Variants in MAST4 observed in about 807,000 individuals in gnomAD.
MAST4 encodes microtubule associated serine/threonine kinase family member 4.
In MAST4, 89 loss-of-function variants were observed where a neutral mutation model predicts 162.7. The observed-to-expected ratio is 0.55, with a 90% CI of 0.46 to 0.65. MAST4 has a LOEUF of 0.65. Ranked by LOEUF, MAST4 falls within the 30% of genes least tolerant of loss-of-function variation. The pLI, the probability that MAST4 is intolerant of heterozygous loss-of-function variation, is 0.00. For missense variants in MAST4, 3,153 were observed against 3,374.0 expected (o/e 0.93, Z 1.62); for synonymous variants, 1,479 against 1,361.1 (o/e 1.09, Z -1.91).
intron 5 of MAST4, among the ~76,000 whole-genome samples, chr5:67,061,278 A>G (rs531318846): frequency 6.6e-6 from 1 of 152,340 alleles, no homozygotes; most frequent in South Asian, 2.1e-4. Context: ...CAAGCCAAAC[A>G]TAATATCTTA....
chr5:66,997,841 T>C (rs998931804), intron 4 of MAST4, among the ~76,000 whole-genome samples: 1 of 152,236 alleles, frequency 6.6e-6, no homozygotes, highest in Non-Finnish European at 1.5e-5. Flanking sequence ...TTTGTTGGTA[T>C]AGAAGTGATA....
chr5:66,679,473 A>G (rs879579296), intron 1 of MAST4, among the ~76,000 whole-genome samples: 15 of 152,312 alleles, frequency 9.8e-5, no homozygotes, highest in African/African-American at 3.1e-4. Context: ...GTGTCAGAGT[A>G]CTTTGCCCTC....
At chr5:66,882,898 A>G (rs1230725339) in intron 3 of MAST4, among the ~76,000 whole-genome samples, 3 of 152,188 alleles carry the variant, frequency 2.0e-5, no homozygotes, top group Admixed American at 1.3e-4. Flanking sequence ...TTTAGCACCT[A>G]CTTGAAAAAT....
intron 2 of MAST4, among the ~76,000 whole-genome samples, chr5:66,780,473 G>A (rs1402838652): frequency 1.3e-5 from 2 of 152,136 alleles, no homozygotes; most frequent in African/African-American, 2.4e-5. Context: ...CAGTGGGCTC[G>A]TGGTCTCGCT....
At chr5:66,909,950 G>A (rs892016034) in intron 4 of MAST4, among the ~76,000 whole-genome samples, 10 of 152,234 alleles carry the variant, frequency 6.6e-5, no homozygotes, top group Non-Finnish European at 1.0e-4. Flanking sequence ...ACCTTTTGCC[G>A]TGATTGTTGG....
At chr5:66,934,677 C>T (rs969532298) in intron 4 of MAST4, among the ~76,000 whole-genome samples, 1 of 151,870 alleles carries the variant, frequency 6.6e-6, no homozygotes, top group Non-Finnish European at 1.5e-5. Context: ...CTGCATAAAC[C>T]TAAGCTTTGC....
At chr5:66,685,843 C>T (rs570233858) in intron 1 of MAST4, among the ~76,000 whole-genome samples, 1 of 152,154 alleles carries the variant, frequency 6.6e-6, no homozygotes, top group East Asian at 1.9e-4. Flanking sequence ...CACCAGGAAC[C>T]AGTTTTGTGG....
chr5:67,124,549 G>A lies in MAST4; in HGVS notation c.1745+3447G>A, dbSNP rs372890498. Among the ~76,000 whole-genome samples the A allele has an allele frequency of 1.7e-3, 255 of 152,106 alleles. 2 individuals are homozygous for A. The highest frequency in any genetic ancestry group is 6.0e-3 in the African/African-American group (250 of 41,492). ...CAACATGACGAGTAATATGCCCAAA[G>A]CAATACAGAAATGTAAAAACCCAAG... On this transcript the variant is annotated intron_variant, in intron 14 of 28. Transcript: ENST00000403625.
chr5:66,666,711 C>A (rs929032767), intron 1 of MAST4, among the ~76,000 whole-genome samples: 8 of 152,132 alleles, frequency 5.3e-5, no homozygotes, highest in Non-Finnish European at 1.2e-4. Flanking sequence ...TACTGAAGCC[C>A]CTATAATTCA....
At chr5:67,108,295 A>T (rs1765818727) in intron 10 of MAST4, among the ~76,000 whole-genome samples, 1 of 152,348 alleles carries the variant, frequency 6.6e-6, no homozygotes, top group East Asian at 1.9e-4. Flanking sequence ...AAAAATGATT[A>T]TAGTAAGAAG....
intron 1 of MAST4, among the ~76,000 whole-genome samples, chr5:66,609,705 G>GTTTTTTTTTTTTTTTTTT (rs77135146): frequency 1.9e-5 from 2 of 106,748 alleles, no homozygotes; most frequent in South Asian, 3.3e-4. Flanking sequence ...TTTTTTTTTT[G>GTTTTTTTTTTTTTTTTTT]TTTTTTTTTT....
rs568585415 is a variant in MAST4 at position 67,165,254 on chromosome 5, C to A, written c.6075C>A (p.Phe2025Leu). The A allele has an allele frequency of 3.7e-6, 6 of 1,613,144 alleles. 1 individual carries two copies. In the South Asian group the frequency reaches 5.5e-5, roughly 15 times the overall value. The change falls in exon 29 of 29, where the codon TTC becomes TTA. Residue 2025 changes from phenylalanine to leucine, a missense_variant. This residue lies in a region of MAST4 where 1,644 missense variants were observed against 1,495.0 expected (regional missense o/e 1.10). Transcript: ENST00000403625. Reference protein sequence around the residue: ...LLSVGRTHPDFYTQTQAMEKA... With the variant: ...LLSVGRTHPDLYTQTQAMEKA... ...CTGTGGGAAGGACCCACCCAGATTTCTATACACAGACCCAGGCCATGGAGA... is the reference window on the plus strand; with the variant it reads ...CTGTGGGAAGGACCCACCCAGATTTATATACACAGACCCAGGCCATGGAGA...
At chr5:66,738,913 T>C (rs1356023088) in intron 1 of MAST4, among the ~76,000 whole-genome samples, 3 of 152,242 alleles carry the variant, frequency 2.0e-5, no homozygotes, top group African/African-American at 7.2e-5. Flanking sequence ...AAGACCGAAC[T>C]GTAAGAAACC....
At chr5:66,730,756 T>C (rs1751794942) in intron 1 of MAST4, among the ~76,000 whole-genome samples, 1 of 118,196 alleles carries the variant, frequency 8.5e-6, no homozygotes, top group Non-Finnish European at 1.9e-5. Flanking sequence ...CTACTCTGTG[T>C]GTGTGTGTGT....
intron 7 of MAST4, among the ~76,000 whole-genome samples, chr5:67,097,345 C>A (rs944687280): frequency 6.6e-6 from 1 of 152,010 alleles, no homozygotes; most frequent in African/African-American, 2.4e-5. Context: ...AGCAACATCC[C>A]CTATCATGTA....
chr5:67,120,922 C>A, intron 13 of MAST4, 95 bp from the exon 14 acceptor site: 1 of 884,214 alleles, frequency 1.1e-6, no homozygotes, highest in South Asian at 1.6e-5. Context: ...CAACATATTA[C>A]ATAACAGCAT....
chr5:67,158,022 G>A (rs560614959), intron 26 of MAST4, among the ~76,000 whole-genome samples: 1 of 152,242 alleles, frequency 6.6e-6, no homozygotes, highest in South Asian at 2.1e-4. Flanking sequence ...GGTTCTGCAC[G>A]TCCACTCTCT....
chr5:67,018,715 A>G (rs1753621431), intron 4 of MAST4, among the ~76,000 whole-genome samples: 1 of 152,232 alleles, frequency 6.6e-6, no homozygotes, highest in South Asian at 2.1e-4. Flanking sequence ...ATGGAGATCC[A>G]GAAGGAATCT....
chr5:67,002,766 G>A (rs1751438622), intron 4 of MAST4, among the ~76,000 whole-genome samples: 1 of 152,046 alleles, frequency 6.6e-6, no homozygotes, highest in African/African-American at 2.4e-5. Flanking sequence ...AATGAGAAGA[G>A]ATTTAAGGTC....
Sources: gnomAD v4.1 joint callset for allele counts (sites outside exome capture counted in the v4.1 genomes callset) on GRCh38, gnomAD v4.1.1 for gene constraint, gnomAD v4.1.1 regional missense constraint, MANE v1.5 for transcripts, NCBI Gene and HGNC (gene_info 2026-07-23, HGNC 2026-07-21) for gene names.